The following GNAS variants were observed in gnomAD, a reference collection of about 807,000 sequenced individuals.
GNAS encodes GNAS complex locus.
Under a neutral mutation model 54.5 loss-of-function variants are expected in GNAS, and 8 were observed. The ratio of observed to expected loss-of-function variants is 0.15; its 90% confidence interval spans 0.09 to 0.26. The LOEUF (loss-of-function observed/expected upper bound fraction) is 0.26, where lower values mean the gene tolerates loss of function less well. GNAS is among the 10% of genes least tolerant of loss of function. The pLI, the probability that GNAS is intolerant of heterozygous loss-of-function variation, is 1.00. For missense variants in GNAS, 170 were observed against 529.8 expected (o/e 0.32, Z 6.67); for synonymous variants, 204 against 191.4 (o/e 1.07, Z -0.54).
intron 2 of GNAS, among the ~76,000 whole-genome samples, chr20:58,896,227 CATTT>C (rs2090036907): frequency 1.2e-5 from 1 of 84,758 alleles, no homozygotes; most frequent in Non-Finnish European, 2.6e-5. Context: ...TACAGTTTCT[CATTT>C]TTTTTGTCCC....
intron 6 of GNAS, among the ~76,000 whole-genome samples, chr20:58,908,310 A>G (rs1274270320): frequency 6.6e-6 from 1 of 152,176 alleles, no homozygotes; most frequent in Non-Finnish European, 1.5e-5. Context: ...TAGTCAAGCA[A>G]CACAAACAAG....
At position 58,847,292 on chromosome 20, in the gene GNAS, A is replaced by C. The variant is rs138900646; in HGVS notation, c.43+6406A>C. On this transcript the variant is annotated intron_variant, in intron 1 of 12. Transcript: ENST00000306090. ...TGCCTCTAACCTGGTATCTTGCCTC[A>C]TCCATTTGAGGCTTTTTTCCTTTAG... Among the ~76,000 whole-genome samples the C allele has an allele frequency of 3.1e-3, 476 of 152,308 alleles. 2 individuals are homozygous for C. The highest frequency in any genetic ancestry group is 0.011 in the African/African-American group (458 of 41,568).
At chr20:58,859,494 G>A (rs2086670356) in intron 1 of GNAS, among the ~76,000 whole-genome samples, 1 of 151,930 alleles carries the variant, frequency 6.6e-6, no homozygotes, top group South Asian at 2.1e-4. Context: ...ACTGTGCCTG[G>A]CCACATTTTA....
chr20:58,902,257 C>T (rs536464751), intron 3 of GNAS, among the ~76,000 whole-genome samples: 44 of 152,216 alleles, frequency 2.9e-4, no homozygotes, highest in African/African-American at 9.9e-4. Context: ...CATTTTTGGG[C>T]TATAGACCTG....
chr20:58,840,131 C>G, upstream of GNAS: 1 of 1,611,496 alleles, frequency 6.2e-7, no homozygotes, highest in Non-Finnish European at 8.5e-7. The surrounding 1 kb of genome is among the most constrained non-coding windows in gnomAD (Gnocchi z 6.0). Context: ...CCGGGCTCAG[C>G]AGTGGCGCCG....
At chr20:58,840,280 C>G, upstream of GNAS, 1 of 1,612,218 alleles carries the variant, frequency 6.2e-7, no homozygotes, top group African/African-American at 1.3e-5. The surrounding 1 kb of genome is among the most constrained non-coding windows in gnomAD (Gnocchi z 6.0). Flanking sequence ...GCGCGGCTGC[C>G]CAACAGCGCC....
In GNAS at chr20:58,841,881, G is replaced by C; in HGVS notation, c.43+995G>C. ...AGATCGTCGCAAGTGGAAAGGTAAA[G>C]CGGAACAAGGGACAGGCTGGAGACG... On this transcript the variant is annotated intron_variant, in intron 1 of 12. Coordinates refer to the GNAS transcript ENST00000306090. The surrounding 1 kb of genome is among the most constrained non-coding windows in gnomAD (Gnocchi z 5.0). The C allele has an allele frequency of 8.1e-7, 1 of 1,231,516 alleles. No homozygotes were observed. The highest frequency in any genetic ancestry group is 1.0e-6 in the Non-Finnish European group (1 of 988,038). 76.3% of individuals were successfully genotyped at this position (1,231,516 alleles called of 1,614,324 possible). A position where few individuals can be genotyped will look rare whatever the true frequency, so the allele number is the denominator to read the frequency against.
chr20:58,849,996 C>T (rs1048945171), intron 1 of GNAS, among the ~76,000 whole-genome samples: 5 of 152,140 alleles, frequency 3.3e-5, no homozygotes, highest in Admixed American at 3.3e-4. Flanking sequence ...GAGATTCTAT[C>T]TAATTTCTCC....
chr20:58,875,301 C>T (rs976448904), intron 1 of GNAS, among the ~76,000 whole-genome samples: 1 of 152,234 alleles, frequency 6.6e-6, no homozygotes, highest in Non-Finnish European at 1.5e-5. Flanking sequence ...TACCTCCCTG[C>T]AGGTGGCTGT....
intron 1 of GNAS, chr20:58,855,666 AGGGGCCCC>A (rs763359086): frequency 6.0e-4 from 331 of 552,986 alleles, no homozygotes; most frequent in Admixed American, 1.2e-3. Context: ...ACTGCCGGGG[AGGGGCCCC>A]GGGGCCCCGG....
Position 58,863,125 on chromosome 20 carries a change from G to A in GNAS, c.43+22239G>A, listed in dbSNP as rs764941806. On this transcript the variant is annotated intron_variant, in intron 1 of 12. Transcript: ENST00000306090. This position sits in a 1 kb window ranked among gnomAD's most constrained non-coding sequence, Gnocchi z 4.1. ...TGTTTGACTTTTCATTATGTTGATC[G>A]TCACATGCTCTTTGAGCACACACGA... 3.9e-5 allele frequency among the ~76,000 whole-genome samples: 6 copies of A among 152,106 alleles called. No individual in the cohort carries two copies. Among genetic ancestry groups the A allele is most frequent in the Admixed American group, 2.0e-4 (3 of 15,268 alleles).
chr20:58,896,184 C>A (rs2090033179), intron 2 of GNAS, among the ~76,000 whole-genome samples: 1 of 152,184 alleles, frequency 6.6e-6, no homozygotes, highest in African/African-American at 2.4e-5. Flanking sequence ...AATATTCTCA[C>A]CAGAAACAGA....
chr20:58,886,962 T>G (rs564570777), upstream of GNAS, among the ~76,000 whole-genome samples: 1 of 152,380 alleles, frequency 6.6e-6, no homozygotes, highest in South Asian at 2.1e-4. Flanking sequence ...GATTGAGAGC[T>G]GAAAGGAGTA....
Position 58,909,033 on chromosome 20 carries a change from C to T in GNAS, c.531-129C>T. 1.2e-6 allele frequency: 1 copy of T among 809,616 alleles called. No homozygotes were observed. Among genetic ancestry groups the T allele is most frequent in the Admixed American group, 1.7e-5 (1 of 59,010 alleles). The allele number at this position is 809,616 out of a possible 1,614,324, so 50.2% of individuals were successfully genotyped here. A position where few individuals can be genotyped will look rare whatever the true frequency, so the allele number is the denominator to read the frequency against. On this transcript the variant is annotated intron_variant, in intron 6 of 12. Coordinates refer to ENST00000371085, the MANE Select transcript of GNAS (RefSeq NM_000516.7). This position sits in a 1 kb window ranked among gnomAD's most constrained non-coding sequence, Gnocchi z 7.3. ...GTAACCAACACACAAGCAAATGTGC[C>T]ATTGACTTAGTGCTGCATAACTGTG...
intron 1 of GNAS, among the ~76,000 whole-genome samples, chr20:58,881,169 T>G (rs1232826452): frequency 6.6e-6 from 1 of 152,236 alleles, no homozygotes; most frequent in Non-Finnish European, 1.5e-5. Flanking sequence ...GACATTAAAT[T>G]ATCCTGTTCT....
rs1389888280 is a variant in GNAS, at chr20:58,873,278, G to A, written c.44-22334G>A. On this transcript the variant is annotated intron_variant, in intron 1 of 12. Coordinates refer to the GNAS transcript ENST00000306090. This position sits in a 1 kb window ranked among gnomAD's most constrained non-coding sequence, Gnocchi z 4.3. Reference sequence around the variant, plus strand: ...GTTAGGGGTCACGGTGGTTCTTCAGGAAGAAAGAAATGTTGTTGGGAAATG... The same window carrying A: ...GTTAGGGGTCACGGTGGTTCTTCAGAAAGAAAGAAATGTTGTTGGGAAATG... Among the ~76,000 whole-genome samples, 4 of 152,016 alleles carry A rather than the reference G, an allele frequency of 2.6e-5. No homozygotes were observed. The highest frequency in any genetic ancestry group is 9.7e-5 in the African/African-American group (4 of 41,372).
chr20:58,882,340 G>A (rs1287920581), intron 1 of GNAS, among the ~76,000 whole-genome samples: 1 of 152,206 alleles, frequency 6.6e-6, no homozygotes, highest in African/African-American at 2.4e-5. Flanking sequence ...GAGCCACCGC[G>A]CCCGGCCTCA....
rs2091371011 is a variant in GNAS, at chr20:58,910,596, C to T, written c.1039-87C>T. The T allele has an allele frequency of 1.3e-6, 2 of 1,499,470 alleles. No homozygotes were observed. The highest frequency in any genetic ancestry group is 1.7e-5 in the Admixed American group (1 of 58,628). 92.9% of individuals were successfully genotyped at this position (1,499,470 alleles called of 1,614,324 possible). A position where few individuals can be genotyped will look rare whatever the true frequency, so the allele number is the denominator to read the frequency against. On this transcript the variant is annotated intron_variant, in intron 12 of 12. Transcript: ENST00000371085. This position sits in a 1 kb window ranked among gnomAD's most constrained non-coding sequence, Gnocchi z 5.8. ...TCATATGACATCAGAGGCTGGCTGA[C>T]AGCCGTCCCTGGTAGGTGTCCCCAT... is the stretch of plus-strand genomic sequence containing the variant.
chr20:58,854,782 G>C, intron 1 of GNAS: 1 of 1,567,144 alleles, frequency 6.4e-7, no homozygotes, highest in South Asian at 1.2e-5. Context: ...TCTGCCACCC[G>C]GGCAGCCCAA....
Sources: gnomAD v4.1 joint callset for allele counts (sites outside exome capture counted in the v4.1 genomes callset) on GRCh38, gnomAD v4.1.1 for gene constraint, Gnocchi (gnomAD v3.1) non-coding constraint, MANE v1.5 for transcripts, NCBI Gene and HGNC (gene_info 2026-07-23, HGNC 2026-07-21) for gene names.